STPG2: variants seen among roughly 807,000 people sequenced by gnomAD.
STPG2 encodes the protein sperm tail PG-rich repeat containing 2.
A neutral mutation model predicts 54.2 loss-of-function variants in STPG2; 56 were observed. The ratio of observed to expected loss-of-function variants is 1.03; its 90% CI spans 0.83 to 1.29. The LOEUF (loss-of-function observed/expected upper bound fraction) is 1.29. Among genes scored for constraint, STPG2 ranks in the 50% most tolerant of loss-of-function variants. The pLI, the probability that STPG2 is intolerant of heterozygous loss-of-function variation, is 0.00. For missense variants in STPG2, 596 were observed against 544.9 expected (o/e 1.09, Z -0.93); for synonymous variants, 200 against 181.8 (o/e 1.10, Z -0.81).
At chr4:97,471,497 G>A (rs1407950728) in intron 4 of STPG2, among the ~76,000 whole-genome samples, 1 of 152,070 alleles carries the variant, frequency 6.6e-6, no homozygotes, top group African/African-American at 2.4e-5. Context: ...TTAAGTAATT[G>A]AAGTGATTCT....
chr4:97,851,693 T>G (rs1416231434), intron 8 of STPG2, among the ~76,000 whole-genome samples: 1 of 152,158 alleles, frequency 6.6e-6, no homozygotes, highest in Admixed American at 6.6e-5. Context: ...TTTCACAAAA[T>G]CATTACAGAG....
Position 97,973,629 on chromosome 4 carries a change from G to A in STPG2, c.773-1189C>T, listed in dbSNP as rs191212082. Among the ~76,000 whole-genome samples the A allele has an allele frequency of 4.6e-5, 7 of 152,290 alleles. No homozygotes were observed. The East Asian group carries it at 1.4e-3, about 29-fold the overall frequency. ...TCCCATCACAGGCCTGGAGGCCTAG[G>A]AGGAAAAAGTGATTTTGTGGGCCAG... is the stretch of plus-strand genomic sequence containing the variant. On this transcript the variant is annotated intron_variant, in intron 6 of 10. Coordinates refer to ENST00000295268, the MANE Select transcript of STPG2 (RefSeq NM_174952.3).
rs539626036 is a variant in STPG2, at chr4:97,886,059, T to C, written c.1045-45127A>G. On this transcript the variant is annotated intron_variant, in intron 8 of 10. Coordinates refer to ENST00000295268, the MANE Select transcript of STPG2 (RefSeq NM_174952.3). Reference sequence around the variant, plus strand: ...CAAAGATCAAAGTGTATGTATAAAATAAATAATCAAAGCAGTGGAATAGAA... The same window carrying C: ...CAAAGATCAAAGTGTATGTATAAAACAAATAATCAAAGCAGTGGAATAGAA... Among the ~76,000 whole-genome samples, 234 of 152,206 alleles carry C rather than the reference T, an allele frequency of 1.5e-3. 2 individuals carry two copies. Among genetic ancestry groups the C allele is most frequent in the Non-Finnish European group, 1.6e-3 (111 of 67,990 alleles).
rs1034366907 is a variant in STPG2, at chr4:97,951,705, G to C, written c.934-7698C>G. Among the ~76,000 whole-genome samples, 7 of 152,090 alleles carry C rather than the reference G, an allele frequency of 4.6e-5. No homozygotes were observed. In the East Asian group the frequency reaches 5.8e-4, roughly 13 times the overall value. ...CACTATATCCTACGGAGTTGGAATAGCAGAGGTCTCTTGAAGCCTACTTCA... is the reference window on the plus strand; with the variant it reads ...CACTATATCCTACGGAGTTGGAATACCAGAGGTCTCTTGAAGCCTACTTCA... On this transcript the variant is annotated intron_variant, in intron 7 of 10. Coordinates refer to ENST00000295268, the MANE Select transcript of STPG2 (RefSeq NM_174952.3).
chr4:97,621,431 GA>G (rs760002945), intron 10 of STPG2, among the ~76,000 whole-genome samples: 1 of 152,180 alleles, frequency 6.6e-6, no homozygotes, highest in Non-Finnish European at 1.5e-5. Context: ...AATGCAATCA[GA>G]AATGACAAAG....
At position 97,902,191 on chromosome 4, in the gene STPG2, C is replaced by A. The variant is rs1731203127; in HGVS notation, c.1044+41706G>T. 3.3e-5 allele frequency among the ~76,000 whole-genome samples: 5 copies of A among 152,010 alleles called. 1 individual carries two copies. Among genetic ancestry groups the A allele is most frequent in the Admixed American group, 3.3e-4 (5 of 15,258 alleles). ...GACTTAAATGTCAGACCTGAAACCA[C>A]AGGATTTCTAGAAGAAAACAGAGGG... On this transcript the variant is annotated intron_variant, in intron 8 of 10. Coordinates refer to ENST00000295268, the MANE Select transcript of STPG2 (RefSeq NM_174952.3).
Position 97,489,373 on chromosome 4 carries a change from G to T in STPG2, c.462+223326C>A, listed in dbSNP as rs538595736. Among the ~76,000 whole-genome samples, 54 of 151,846 alleles carry T rather than the reference G, an allele frequency of 3.6e-4. No homozygotes were observed. In the East Asian group the frequency reaches 9.5e-3, roughly 27 times the overall value. On this transcript the variant is annotated intron_variant, in intron 4 of 4. Coordinates refer to the STPG2 transcript ENST00000522676. The stretch of plus-strand genomic sequence containing the variant: ...CAGGCATCTGGGTCAGAAATCAGAG[G>T]TTTATTTTCTTACAATAACAGCAGC...
chr4:97,827,235 GC>G (rs1175863307), intron 9 of STPG2, among the ~76,000 whole-genome samples: 2 of 132,866 alleles, frequency 1.5e-5, no homozygotes, highest in South Asian at 2.5e-4. Context: ...GCTATAGACA[GC>G]TTTTTTTTTT....
intron 5 of STPG2, among the ~76,000 whole-genome samples, chr4:98,001,390 C>T (rs880471): frequency 0.31 from 47,559 of 151,242 alleles, 7,639 homozygotes; most frequent in Middle Eastern, 0.36. Context: ...TGTAAATGTT[C>T]GGAGTTCATT....
intron 8 of STPG2, among the ~76,000 whole-genome samples, chr4:97,904,639 T>G (rs1454893270): frequency 1.3e-5 from 2 of 152,172 alleles, no homozygotes; most frequent in Admixed American, 1.3e-4. Flanking sequence ...GAAGAAGGAT[T>G]CAGATAATCA....
chr4:97,959,462 TA>T (rs1368956225), intron 7 of STPG2, among the ~76,000 whole-genome samples: 1 of 151,866 alleles, frequency 6.6e-6, no homozygotes, highest in Non-Finnish European at 1.5e-5. Context: ...TTAGCAAGAT[TA>T]ACCAAGAAAA....
chr4:97,914,277 G>A (rs1024356719), intron 8 of STPG2, among the ~76,000 whole-genome samples: 2 of 152,040 alleles, frequency 1.3e-5, no homozygotes, highest in Non-Finnish European at 2.9e-5. Flanking sequence ...AGGATTCTCT[G>A]AAGCCCAATT....
intron 9 of STPG2, among the ~76,000 whole-genome samples, chr4:97,762,254 T>C (rs867952865): frequency 6.6e-6 from 1 of 152,216 alleles, no homozygotes; most frequent in Non-Finnish European, 1.5e-5. Context: ...TTTCCATCTT[T>C]TTGTTCTGTC....
chr4:97,609,815 G>A (rs6532687), intron 10 of STPG2, among the ~76,000 whole-genome samples: 450 of 151,762 alleles, frequency 3.0e-3, no homozygotes, highest in African/African-American at 7.3e-3. Context: ...TTAATGTTAC[G>A]TACATGTTGA....
chr4:98,063,225 C>A (rs1010968023), intron 5 of STPG2, among the ~76,000 whole-genome samples: 1 of 151,820 alleles, frequency 6.6e-6, no homozygotes, highest in Non-Finnish European at 1.5e-5. Flanking sequence ...CCTAGGTGGG[C>A]GGATCACAAG....
At chr4:97,746,421 C>T (rs1725422812) in intron 9 of STPG2, among the ~76,000 whole-genome samples, 1 of 151,236 alleles carries the variant, frequency 6.6e-6, no homozygotes, top group South Asian at 2.1e-4. Flanking sequence ...ATGTGATTAT[C>T]TGACTTAACA....
At chr4:97,737,923 G>C (rs1055616975) in intron 9 of STPG2, among the ~76,000 whole-genome samples, 1 of 152,120 alleles carries the variant, frequency 6.6e-6, no homozygotes, top group Non-Finnish European at 1.5e-5. Flanking sequence ...ATTCACCAAA[G>C]TTGAAATGAA....
chr4:98,011,732 A>C lies in STPG2; in HGVS notation c.613-30414T>G, dbSNP rs539213932. On this transcript the variant is annotated intron_variant, in intron 5 of 10. Transcript: ENST00000295268. ...ATCAGTGATGTTGAGCTTTTTTCAT[A>C]TGTTTGTTGGCTGCATAAATGTCTT... 1.7e-3 allele frequency among the ~76,000 whole-genome samples: 265 copies of C among 152,064 alleles called. 2 individuals carry two copies. The highest frequency in any genetic ancestry group is 6.0e-3 in the African/African-American group (247 of 41,496).
At chr4:97,837,450 A>C (rs1485133294) in intron 9 of STPG2, among the ~76,000 whole-genome samples, 1 of 151,728 alleles carries the variant, frequency 6.6e-6, no homozygotes, top group African/African-American at 2.4e-5. Context: ...GTGAGAGATA[A>C]AGTGATGCTT....
Sources: gnomAD v4.1 joint callset for allele counts (sites outside exome capture counted in the v4.1 genomes callset) on GRCh38, gnomAD v4.1.1 for gene constraint, MANE v1.5 for transcripts, NCBI Gene and HGNC (gene_info 2026-07-23, HGNC 2026-07-21) for gene names.